The following RSRC1 variants were observed in gnomAD, a reference collection of about 807,000 sequenced individuals.
The protein encoded by RSRC1 is arginine and serine rich coiled-coil 1.
RSRC1 carries 39 observed loss-of-function variants against 49.1 expected under a neutral mutation model. The ratio of observed to expected loss-of-function variants is 0.79; its 90% CI spans 0.61 to 1.04. The LOEUF (loss-of-function observed/expected upper bound fraction) is 1.04, where lower values mean the gene tolerates loss of function less well. RSRC1 is among the 50% of genes least tolerant of loss of function. The probability of loss-of-function intolerance (pLI) is 0.00; values close to 1 mark genes in which losing one functional copy is unlikely to be tolerated. For missense variants in RSRC1, 388 were observed against 402.4 expected (o/e 0.96, Z 0.31); for synonymous variants, 143 against 130.8 (o/e 1.09, Z -0.63).
intron 4 of RSRC1, among the ~76,000 whole-genome samples, chr3:158,211,494 G>C (rs1721672460): frequency 6.6e-6 from 1 of 151,942 alleles, no homozygotes; most frequent in South Asian, 2.1e-4. Context: ...CCACATAGGG[G>C]AAGGAAATCA....
At position 158,271,310 on chromosome 3, in the gene RSRC1, G is replaced by T. The variant is rs1725505171; in HGVS notation, c.495-26729G>T. 3.9e-5 allele frequency among the ~76,000 whole-genome samples: 6 copies of T among 152,060 alleles called. No individual in the cohort carries two copies. The South Asian group carries it at 1.2e-3, about 31-fold the overall frequency. On this transcript the variant is annotated intron_variant, in intron 4 of 9. Coordinates refer to ENST00000611884, the MANE Select transcript of RSRC1 (RefSeq NM_001271838.2). ...AGCAATATTGTTTCCTGAATTGAGG[G>T]AGTAGGTGGGGAAAGATTAATTGTT...
chr3:158,205,514 CT>C (rs1721296762), intron 4 of RSRC1, among the ~76,000 whole-genome samples: 1 of 152,008 alleles, frequency 6.6e-6, no homozygotes, highest in African/African-American at 2.4e-5. Context: ...GCCAGTACTG[CT>C]TGGAGCTTTC....
intron 4 of RSRC1, among the ~76,000 whole-genome samples, chr3:158,294,770 G>T (rs1727146327): frequency 6.6e-6 from 1 of 152,112 alleles, no homozygotes; most frequent in Non-Finnish European, 1.5e-5. Context: ...ACAGGCACCT[G>T]TGCCTTCCTC....
intron 7 of RSRC1, among the ~76,000 whole-genome samples, chr3:158,495,505 C>T (rs983545911): frequency 3.3e-5 from 5 of 152,054 alleles, no homozygotes; most frequent in South Asian, 2.1e-4. Context: ...AGGCTGGTCT[C>T]GAACTCCTGA....
At chr3:158,542,966 T>A (rs1341526435) in intron 8 of RSRC1, among the ~76,000 whole-genome samples, 1 of 152,188 alleles carries the variant, frequency 6.6e-6, no homozygotes, top group Admixed American at 6.5e-5. Context: ...TATATGTATA[T>A]TTCAATAGTA....
chr3:158,323,366 A>T (rs549444644), intron 5 of RSRC1, among the ~76,000 whole-genome samples: 1 of 152,292 alleles, frequency 6.6e-6, no homozygotes, highest in African/African-American at 2.4e-5. Flanking sequence ...CGAATACGTC[A>T]GGGCAGGATC....
chr3:158,420,501 TA>T, intron 6 of RSRC1, among the ~76,000 whole-genome samples: 1 of 152,054 alleles, frequency 6.6e-6, no homozygotes, highest in East Asian at 2.0e-4. Context: ...GTTCTGCCAC[TA>T]ATTAGCTGTG....
rs1174290719 is a variant in RSRC1 at position 158,203,204 on chromosome 3, G to C, written c.453G>C (p.Lys151Asn). 6.2e-7 allele frequency: 1 copy of C among 1,609,164 alleles called. No individual in the cohort carries two copies. Among genetic ancestry groups the C allele is most frequent in the Non-Finnish European group, 8.5e-7 (1 of 1,177,552 alleles). ...ATAAAGAGAAAAGAGAAAAGGAGAA[G>C]GATAAAGGGAAGGACAAGGAATTAC... ...GRDKEKREKEKDKGKDKELHN... is the reference protein window; with the variant it reads ...GRDKEKREKENDKGKDKELHN... Residue 151 changes from lysine to asparagine, a missense_variant, in exon 4 of 10, where the codon AAG (lysine) becomes AAC (asparagine). Coordinates refer to ENST00000611884, the MANE Select transcript of RSRC1 (RefSeq NM_001271838.2).
At chr3:158,389,976 T>G (rs553299703) in intron 6 of RSRC1, among the ~76,000 whole-genome samples, 2 of 152,336 alleles carry the variant, frequency 1.3e-5, no homozygotes, top group East Asian at 3.9e-4. Context: ...TGTTTCTTCC[T>G]GGAAAAATAT....
At chr3:158,190,893 G>A (rs1720204818) in intron 3 of RSRC1, among the ~76,000 whole-genome samples, 1 of 151,394 alleles carries the variant, frequency 6.6e-6, no homozygotes, top group Non-Finnish European at 1.5e-5. Context: ...ACACTGTATT[G>A]TTTAGCATCG....
intron 3 of RSRC1, among the ~76,000 whole-genome samples, chr3:158,170,528 T>C (rs1718821179): frequency 6.6e-6 from 1 of 152,320 alleles, no homozygotes; most frequent in Middle Eastern, 3.4e-3. Flanking sequence ...TAGCAGCAAC[T>C]ACTTTACAGT....
intron 6 of RSRC1, among the ~76,000 whole-genome samples, chr3:158,377,822 G>A (rs761732870): frequency 3.3e-5 from 5 of 152,000 alleles, no homozygotes; most frequent in Non-Finnish European, 7.4e-5. Context: ...ACCACACCCT[G>A]CTAATTTTTT....
intron 1 of RSRC1, among the ~76,000 whole-genome samples, chr3:158,119,097 T>C (rs974776990): frequency 1.3e-5 from 2 of 152,190 alleles, no homozygotes; most frequent in African/African-American, 2.4e-5. Flanking sequence ...CCTCTGAGGA[T>C]TGGGGAAGAG....
intron 1 of RSRC1, among the ~76,000 whole-genome samples, chr3:158,118,460 T>TGTGTGC (rs1715013976): frequency 1.9e-5 from 2 of 105,038 alleles, no homozygotes; most frequent in African/African-American, 4.4e-5. Flanking sequence ...TGTGTGTGTG[T>TGTGTGC]GTGCGCGTGC....
chr3:158,437,765 G>C (rs1389072838), intron 6 of RSRC1, among the ~76,000 whole-genome samples: 1 of 152,154 alleles, frequency 6.6e-6, no homozygotes, highest in East Asian at 1.9e-4. Flanking sequence ...CACAAGACAA[G>C]GATGCCCTCT....
At chr3:158,417,630 T>G (rs1361938557) in intron 6 of RSRC1, among the ~76,000 whole-genome samples, 1 of 151,966 alleles carries the variant, frequency 6.6e-6, no homozygotes, top group East Asian at 1.9e-4. Context: ...AATTAGCTGA[T>G]TACACACTGT....
intron 4 of RSRC1, among the ~76,000 whole-genome samples, chr3:158,255,422 A>C (rs1297949883): frequency 6.6e-6 from 1 of 152,072 alleles, no homozygotes; most frequent in African/African-American, 2.4e-5. Flanking sequence ...CCATTGGTCT[A>C]TATCTCTGTT....
chr3:158,224,441 G>C (rs1178286313), intron 4 of RSRC1, among the ~76,000 whole-genome samples: 1 of 151,758 alleles, frequency 6.6e-6, no homozygotes, highest in Non-Finnish European at 1.5e-5. Context: ...ATATAAATGG[G>C]ATTATGCTAT....
chr3:158,166,150 G>A (rs898878086), intron 3 of RSRC1, among the ~76,000 whole-genome samples: 1 of 152,164 alleles, frequency 6.6e-6, no homozygotes, highest in Non-Finnish European at 1.5e-5. Context: ...ACGGGGATAA[G>A]CTGGGTAATG....
Sources: allele counts gnomAD v4.1 joint callset (sites outside exome capture counted in the v4.1 genomes callset), GRCh38; gene constraint gnomAD v4.1.1; transcripts MANE v1.5; gene names NCBI Gene and HGNC (gene_info 2026-07-23, HGNC 2026-07-21).